The following HIP1R variants were observed in gnomAD, a reference collection of about 807,000 sequenced individuals.
HIP1R encodes huntingtin interacting protein 1 related, also known as huntingtin-interacting protein 1-related protein.
Under a neutral mutation model 144.2 loss-of-function variants are expected in HIP1R, and 135 were observed. The ratio of observed to expected loss-of-function variants is 0.94; its 90% CI spans 0.81 to 1.08. The LOEUF is 1.08. Among genes scored for constraint, HIP1R ranks in the 50% least tolerant of loss-of-function variants. The pLI, the probability that HIP1R is intolerant of heterozygous loss-of-function variation, is 0.00. For synonymous variants in HIP1R, 698 were observed against 612.8 expected, an observed-to-expected ratio of 1.14 and a Z score of -2.05; for missense variants, 1,462 against 1,432.8, an observed-to-expected ratio of 1.02 and a Z score of -0.33.
chr12:122,854,220 GTGT>G, intron 8 of HIP1R, 37 bp downstream of exon 8: 1 of 1,591,984 alleles, frequency 6.3e-7, no homozygotes, highest in Non-Finnish European at 8.6e-7. Flanking sequence ...CCGGAAGGCT[GTGT>G]TTATATGGCT....
At chr12:122,857,958 C>A (rs528800448) in intron 18 of HIP1R, 144 bp from the exon 19 acceptor site, 3 of 651,648 alleles carry the variant, frequency 4.6e-6, no homozygotes, top group South Asian at 2.3e-5. Flanking sequence ...GTGTGGGAAG[C>A]CTCTTTCTAG....
intron 2 of HIP1R, 112 bp downstream of exon 2, chr12:122,848,206 C>A: frequency 1.7e-6 from 2 of 1,199,458 alleles, no homozygotes; most frequent in Non-Finnish European, 2.4e-6. Flanking sequence ...CCTCACTGAG[C>A]CCGGGGAGGA....
chr12:122,843,082 C>T (rs760120401), intron 1 of HIP1R, among the ~76,000 whole-genome samples: 11 of 152,196 alleles, frequency 7.2e-5, no homozygotes, highest in African/African-American at 1.4e-4. Flanking sequence ...AATCCTGATC[C>T]GGAGCCCACT....
At chr12:122,838,727 T>G (rs1234745177) in intron 1 of HIP1R, among the ~76,000 whole-genome samples, 1 of 152,214 alleles carries the variant, frequency 6.6e-6, no homozygotes, top group Non-Finnish European at 1.5e-5. Context: ...GGGGCGATTC[T>G]CCTGGGCTAC....
chr12:122,838,908 C>A (rs2032980297), intron 1 of HIP1R, among the ~76,000 whole-genome samples: 1 of 152,216 alleles, frequency 6.6e-6, no homozygotes, highest in Non-Finnish European at 1.5e-5. Flanking sequence ...GAAATGGATT[C>A]TTCCCTAGAG....
Position 122,840,886 on chromosome 12 carries a change from G to T in HIP1R, c.93+5243G>T, listed in dbSNP as rs2033038240. ...AGCAGGAGCCTTGCCTGGCAGAACT[G>T]CTCACCCTCTGAATAGGGACAGGCG... On this transcript the variant is annotated intron_variant, in intron 1 of 31. Transcript: ENST00000253083. This position sits in a 1 kb window ranked among gnomAD's most constrained non-coding sequence, Gnocchi z 4.2. 6.6e-6 allele frequency among the ~76,000 whole-genome samples: 1 copy of T among 152,190 alleles called. No homozygotes were observed. Among genetic ancestry groups the T allele is most frequent in the South Asian group, 2.1e-4 (1 of 4,826 alleles).
At chr12:122,850,299 C>G (rs1319190282) in intron 5 of HIP1R, 1 of 518,214 alleles carries the variant, frequency 1.9e-6, no homozygotes, top group South Asian at 1.5e-5. Flanking sequence ...CAGCCTGGGT[C>G]TGCCAAGAGC....
intron 1 of HIP1R, among the ~76,000 whole-genome samples, chr12:122,838,013 T>C (rs10847839): frequency 0.32 from 44,212 of 137,980 alleles, 8,034 homozygotes; most frequent in East Asian, 0.66. Flanking sequence ...ACCACAGCAC[T>C]GTGTGCTGTG....
chr12:122,836,926 A>T lies in HIP1R; in HGVS notation c.93+1283A>T, dbSNP rs1241027466. ...TTAGAAATGCGAAGTGCTGGAACCC[A>T]GGTGGCTGCAAATTACCAATTTAGC... On this transcript the variant is annotated intron_variant, in intron 1 of 31. Transcript: ENST00000253083. The surrounding 1 kb of genome is among the most constrained non-coding windows in gnomAD (Gnocchi z 4.1). 6.6e-6 allele frequency among the ~76,000 whole-genome samples: 1 copy of T among 152,236 alleles called. No individual in the cohort carries two copies. Among genetic ancestry groups the T allele is most frequent in the Admixed American group, 6.5e-5 (1 of 15,278 alleles).
At chr12:122,835,382 C>T, upstream of HIP1R, 1 of 940,376 alleles carries the variant, frequency 1.1e-6, no homozygotes, top group Non-Finnish European at 1.2e-6. Context: ...TGGAGGTGTG[C>T]GGGGGAGGGG....
chr12:122,857,283 C>A, intron 18 of HIP1R, 68 bp downstream of exon 18: 3 of 1,397,654 alleles, frequency 2.1e-6, no homozygotes, highest in Non-Finnish European at 3.0e-6. Context: ...GATCTGTCTC[C>A]GTGATCTGCC....
In HIP1R at chr12:122,855,145, G is replaced by A. The variant is rs1005569730; in HGVS notation, c.852+17G>A. The A allele has an allele frequency of 1.2e-6, 2 of 1,612,656 alleles. No individual in the cohort carries two copies. The highest frequency in any genetic ancestry group is 3.3e-5 in the Admixed American group (2 of 59,800). On this transcript the variant is annotated intron_variant, in intron 10 of 31. Coordinates refer to ENST00000253083, the MANE Select transcript of HIP1R (RefSeq NM_003959.3). ...CTGCCCGAGGTACCACCCCCAAGAG[G>A]GCCCCGAGGCCCTTTGAGGACCCCA...
chr12:122,857,729 T>C (rs977103888), intron 18 of HIP1R: 3 of 269,312 alleles, frequency 1.1e-5, no homozygotes, highest in Non-Finnish European at 2.1e-5. Context: ...TTTCTCCACA[T>C]CCTTGCCAAT....
chr12:122,852,271 T>C (rs945206367), intron 7 of HIP1R, among the ~76,000 whole-genome samples: 3 of 152,184 alleles, frequency 2.0e-5, no homozygotes, highest in African/African-American at 7.2e-5. Flanking sequence ...GGAGGTGGGC[T>C]CAGAGTTGGA....
chr12:122,845,232 C>G (rs2033175224), intron 1 of HIP1R, among the ~76,000 whole-genome samples: 1 of 152,152 alleles, frequency 6.6e-6, no homozygotes. Flanking sequence ...TCACTGGGAC[C>G]TGGCGGGCTT....
chr12:122,848,365 T>G, intron 2 of HIP1R, 101 bp from the exon 3 acceptor site: 1 of 1,431,052 alleles, frequency 7.0e-7, no homozygotes, highest in South Asian at 1.4e-5. Context: ...GGCACGTGAT[T>G]GGGGGCCGGC....
At chr12:122,856,397 G>T (rs1181122037) in intron 15 of HIP1R, 35 bp from the exon 16 acceptor site, 1 of 1,607,500 alleles carries the variant, frequency 6.2e-7, no homozygotes. Context: ...CTCGGGGATG[G>T]CAGCAGAGCA....
chr12:122,850,739 C>CGGTGGCCGCTGGGTGGGGGGG, intron 5 of HIP1R, 96 bp from the exon 6 acceptor site: 1 of 533,398 alleles, frequency 1.9e-6, no homozygotes, highest in African/African-American at 3.6e-5. Flanking sequence ...GGCCCTGGTT[C>CGGTGGCCGCTGGGTGGGGGGG]AGTGGCCGCT....
chr12:122,858,781 C>T (rs1373605461), intron 20 of HIP1R, 57 bp from the exon 21 acceptor site: 2 of 1,221,640 alleles, frequency 1.6e-6, no homozygotes, highest in Admixed American at 1.7e-5. Flanking sequence ...ACGGTGGTCC[C>T]AGTGCTAGTG....
Sources: allele counts gnomAD v4.1 joint callset (sites outside exome capture counted in the v4.1 genomes callset), GRCh38; gene constraint gnomAD v4.1.1; non-coding constraint Gnocchi (gnomAD v3.1); transcripts MANE v1.5; gene names NCBI Gene and HGNC (gene_info 2026-07-23, HGNC 2026-07-21).